The following GPC3 variants were observed in gnomAD, a reference collection of about 807,000 sequenced individuals.
The protein encoded by GPC3 is glypican-3.
Under a neutral mutation model 34.4 loss-of-function variants are expected in GPC3, and 3 were observed. The ratio of observed to expected loss-of-function variants is 0.09; its 90% CI spans 0.04 to 0.23. GPC3 has a LOEUF of 0.23. Ranked by LOEUF, GPC3 falls within the 10% of genes least tolerant of loss-of-function variation. The pLI, the probability that GPC3 is intolerant of heterozygous loss-of-function variation, is 1.00. For synonymous variants in GPC3, 177 were observed against 174.0 expected (o/e 1.02, Z -0.13); for missense variants, 351 against 445.6 (o/e 0.79, Z 1.91).
chrX:133,776,169 A>G (rs774024399), intron 2 of GPC3, among the ~76,000 whole-genome samples: 1 of 112,150 alleles, frequency 8.9e-6, no homozygotes, highest in South Asian at 3.7e-4. Context: ...AATAATATAT[A>G]TAGCAGAAAA....
intron 2 of GPC3, among the ~76,000 whole-genome samples, chrX:133,813,711 G>C (rs1416336320): frequency 2.7e-5 from 3 of 112,319 alleles, no homozygotes; most frequent in Admixed American, 9.4e-5. Flanking sequence ...GGAGCTAGTG[G>C]TGCACGGAGC....
chrX:133,606,431 A>AT (rs11287002), intron 6 of GPC3, among the ~76,000 whole-genome samples: 160 of 110,844 alleles, frequency 1.4e-3, no homozygotes, highest in Non-Finnish European at 2.0e-3. Context: ...TATTTTATTT[A>AT]TTTTTTTTGA....
chrX:133,760,678 A>G (rs184159801), intron 2 of GPC3, among the ~76,000 whole-genome samples: 2 of 111,681 alleles, frequency 1.8e-5, no homozygotes, highest in East Asian at 5.6e-4. Context: ...GTGAAACTAT[A>G]CTGTATGATA....
chrX:133,592,825 C>T (rs1029846469), intron 7 of GPC3, among the ~76,000 whole-genome samples: 7 of 111,644 alleles, frequency 6.3e-5, no homozygotes, highest in African/African-American at 2.3e-4. Context: ...TTATGATCCC[C>T]ATTTAATGGA....
intron 6 of GPC3, among the ~76,000 whole-genome samples, chrX:133,651,266 C>T (rs1322713120): frequency 9.1e-6 from 1 of 109,436 alleles, no homozygotes; most frequent in Non-Finnish European, 1.9e-5. Flanking sequence ...TCACTGCAAG[C>T]GGTGGAGAGT....
chrX:133,695,539 T>A (rs892601068), intron 4 of GPC3, among the ~76,000 whole-genome samples: 12 of 111,070 alleles, frequency 1.1e-4, no homozygotes, highest in Non-Finnish European at 3.8e-5. Context: ...CTTGGAAGAA[T>A]GAAAACAGAC....
chrX:133,737,840 T>C (rs774325937), intron 3 of GPC3, among the ~76,000 whole-genome samples: 241 of 112,571 alleles, frequency 2.1e-3, no homozygotes, highest in African/African-American at 5.8e-3. Context: ...TGTTTTTCTA[T>C]ATTTTTAAAA....
chrX:133,593,354 T>TAAAAAAAAAAAAAAAAA (rs1186766438), intron 7 of GPC3, among the ~76,000 whole-genome samples: 3 of 47,714 alleles, frequency 6.3e-5, no homozygotes, highest in African/African-American at 8.7e-5. Flanking sequence ...AAAAAAAAAG[T>TAAAAAAAAAAAAAAAAA]AAAAAAAAAA....
chrX:133,650,337 G>A (rs2070586824), intron 6 of GPC3, among the ~76,000 whole-genome samples: 1 of 110,030 alleles, frequency 9.1e-6, no homozygotes, highest in Admixed American at 9.8e-5. Context: ...GGATCATGTG[G>A]TAAAATCTCT....
chrX:133,548,704 G>C (rs906583221), intron 7 of GPC3, among the ~76,000 whole-genome samples: 2 of 111,534 alleles, frequency 1.8e-5, no homozygotes, highest in African/African-American at 6.5e-5. Context: ...ATCTCATCTT[G>C]AATTCCCAAG....
intron 7 of GPC3, among the ~76,000 whole-genome samples, chrX:133,571,448 C>T (rs1370510104): frequency 3.6e-5 from 4 of 110,845 alleles, no homozygotes; most frequent in East Asian, 2.8e-4. Flanking sequence ...CTGCAAGCTC[C>T]GCCTCTGGGG....
chrX:133,804,262 G>A (rs889479707), intron 2 of GPC3, among the ~76,000 whole-genome samples: 3 of 111,556 alleles, frequency 2.7e-5, no homozygotes, highest in East Asian at 2.8e-4. Flanking sequence ...GAGCCAATGC[G>A]CTAACCTGGC....
intron 2 of GPC3, among the ~76,000 whole-genome samples, chrX:133,885,169 T>A (rs1440965503): frequency 2.7e-5 from 3 of 112,011 alleles, no homozygotes; most frequent in African/African-American, 9.7e-5. Flanking sequence ...ATTGGTCAGC[T>A]ACTTTCTGGT....
chrX:133,761,213 T>C (rs775613811), intron 2 of GPC3, among the ~76,000 whole-genome samples: 1 of 112,226 alleles, frequency 8.9e-6, no homozygotes, highest in South Asian at 3.7e-4. Flanking sequence ...CATTTCAATG[T>C]TATTTTTAAA....
chrX:133,697,103 G>C (rs888717858), intron 4 of GPC3, among the ~76,000 whole-genome samples: 11 of 112,280 alleles, frequency 9.8e-5, no homozygotes, highest in Admixed American at 6.6e-4. Flanking sequence ...GATTTGCTTG[G>C]GCAGGCATCA....
intron 2 of GPC3, among the ~76,000 whole-genome samples, chrX:133,871,528 C>G (rs2075993861): frequency 8.9e-6 from 1 of 112,062 alleles, no homozygotes; most frequent in African/African-American, 3.2e-5. Flanking sequence ...ATTATACTAT[C>G]CTTTTCCTAC....
chrX:133,985,374 G>A lies in GPC3; in HGVS notation c.76C>T (p.Pro26Ser), dbSNP rs1569462736. ...GTGGCGTCCGGCGGCGGCGGCGGGGGCTGCGCCTGTCCCGGGAAGTCCAAG... is the reference window on the plus strand; with the variant it reads ...GTGGCGTCCGGCGGCGGCGGCGGGGACTGCGCCTGTCCCGGGAAGTCCAAG... ...LSLDFPGQAQPPPPPPDATCH... is the reference protein window; with the variant it reads ...LSLDFPGQAQSPPPPPDATCH... Residue 26 changes from proline to serine, a missense_variant, in exon 1 of 8, where the codon CCC becomes TCC. By Grantham distance (74) the Pro-to-Ser change is moderately conservative. Coordinates refer to ENST00000370818, the MANE Select transcript of GPC3 (RefSeq NM_004484.4). The A allele has an allele frequency of 1.3e-5, 16 of 1,199,807 alleles. No homozygotes were observed. The highest frequency in any genetic ancestry group is 1.7e-5 in the African/African-American group (1 of 57,768).
intron 6 of GPC3, among the ~76,000 whole-genome samples, chrX:133,649,376 A>C (rs1357869242): frequency 9.0e-6 from 1 of 110,830 alleles, no homozygotes; most frequent in Non-Finnish European, 1.9e-5. Context: ...GACTTCCAAG[A>C]ACAACAAACA....
intron 6 of GPC3, among the ~76,000 whole-genome samples, chrX:133,653,305 A>G (rs1483022081): frequency 8.9e-6 from 1 of 112,031 alleles, no homozygotes; most frequent in East Asian, 2.8e-4. Context: ...AACAACCTCC[A>G]CAGCACCTCT....
Sources: allele counts gnomAD v4.1 joint callset (sites outside exome capture counted in the v4.1 genomes callset), GRCh38; gene constraint gnomAD v4.1.1; transcripts MANE v1.5; gene names NCBI Gene and HGNC (gene_info 2026-07-23, HGNC 2026-07-21).